STK32C: variants seen among roughly 807,000 people sequenced by gnomAD.
STK32C encodes the protein serine/threonine kinase 32C.
In STK32C, 31 loss-of-function variants were observed where a neutral mutation model predicts 56.5. That is an observed-to-expected ratio of 0.55 (90% CI 0.41 to 0.74). STK32C has a LOEUF of 0.74. Ranked by LOEUF, STK32C falls within the 30% of genes least tolerant of loss-of-function variation. The pLI is 0.00. For missense variants in STK32C, 544 were observed against 676.9 expected (o/e 0.80, Z 2.18); for synonymous variants, 309 against 289.4 (o/e 1.07, Z -0.69).
At chr10:132,279,451 T>C (rs934214147) in intron 1 of STK32C, among the ~76,000 whole-genome samples, 1 of 152,052 alleles carries the variant, frequency 6.6e-6, no homozygotes, top group South Asian at 2.1e-4. Flanking sequence ...GACAAGTACA[T>C]GCATGTGTGT....
intron 1 of STK32C, among the ~76,000 whole-genome samples, chr10:132,269,170 T>C (rs1197902658): frequency 1.3e-5 from 2 of 151,962 alleles, no homozygotes; most frequent in African/African-American, 2.4e-5. Flanking sequence ...CGTGTGTGCA[T>C]GTGTCACATC....
At chr10:132,321,393 A>C (rs992919759), downstream of STK32C, among the ~76,000 whole-genome samples, 5 of 152,158 alleles carry the variant, frequency 3.3e-5, no homozygotes, top group East Asian at 5.8e-4. Context: ...AATTCTGTTG[A>C]GACTAGCCAA....
chr10:132,249,310 CT>C (rs1172689798), intron 1 of STK32C, among the ~76,000 whole-genome samples: 1 of 152,062 alleles, frequency 6.6e-6, no homozygotes, highest in African/African-American at 2.4e-5. Flanking sequence ...ACTGTCCCTG[CT>C]TCCTAAGACT....
upstream of STK32C, among the ~76,000 whole-genome samples, chr10:132,308,849 G>C (rs1021767244): frequency 6.6e-6 from 1 of 152,230 alleles, no homozygotes; most frequent in Non-Finnish European, 1.5e-5. Flanking sequence ...TGCGCGGAAA[G>C]TGCTGGGCGC....
intron 1 of STK32C, among the ~76,000 whole-genome samples, chr10:132,270,625 G>A (rs904618217): frequency 1.3e-5 from 2 of 152,202 alleles, no homozygotes; most frequent in African/African-American, 2.4e-5. Flanking sequence ...CCGGCCTGCC[G>A]GATATGAACC....
chr10:132,275,541 C>T (rs913188601), intron 1 of STK32C, among the ~76,000 whole-genome samples: 1 of 152,222 alleles, frequency 6.6e-6, no homozygotes, highest in African/African-American at 2.4e-5. Context: ...ACCTCCGAGT[C>T]TCAGTGCCCG....
At chr10:132,319,258 C>A (rs562359862), downstream of STK32C, among the ~76,000 whole-genome samples, 13 of 152,196 alleles carry the variant, frequency 8.5e-5, no homozygotes, top group Middle Eastern at 3.4e-3. Context: ...CATGATACAG[C>A]TACACTGGAA....
intron 1 of STK32C, among the ~76,000 whole-genome samples, chr10:132,294,734 G>GC (rs1450274293): frequency 2.6e-5 from 4 of 152,140 alleles, no homozygotes; most frequent in East Asian, 3.9e-4. Context: ...CAGTGCACCA[G>GC]CCCCCGACCC....
At chr10:132,268,512 C>G (rs564177523) in intron 1 of STK32C, among the ~76,000 whole-genome samples, 2 of 129,320 alleles carry the variant, frequency 1.5e-5, no homozygotes, top group East Asian at 4.9e-4. Flanking sequence ...TATGCAGGTG[C>G]AGCTGTGCCT....
Position 132,228,132 on chromosome 10 carries a change from G to A in STK32C, c.319-4C>T. 6.2e-7 allele frequency: 1 copy of A among 1,613,948 alleles called. No individual in the cohort carries two copies. The highest frequency in any genetic ancestry group is 8.5e-7 in the Non-Finnish European group (1 of 1,180,028). ...CCCGCTTCTGCACAATGCACACCTG[G>A]AGGGCACAGGGCTGTTCGGCAGGAC... On this transcript the variant is annotated splice_polypyrimidine_tract_variant and splice_region_variant and intron_variant, in intron 2 of 11. Coordinates refer to ENST00000298630, the MANE Select transcript of STK32C (RefSeq NM_173575.4).
intron 2 of STK32C, among the ~76,000 whole-genome samples, chr10:132,231,288 C>G (rs1208701491): frequency 1.3e-5 from 1 of 78,320 alleles, no homozygotes; most frequent in Admixed American, 1.6e-4. Context: ...ACCTGGGAAA[C>G]AAACTGCCTG....
Position 132,207,923 on chromosome 10 carries a change from T to C in STK32C, c.*87A>G. The C allele has an allele frequency of 8.0e-7, 1 of 1,243,516 alleles. No individual in the cohort carries two copies. Among genetic ancestry groups the C allele is most frequent in the African/African-American group, 1.5e-5 (1 of 64,726 alleles). 77.0% of individuals were successfully genotyped at this position (1,243,516 alleles called of 1,614,324 possible). On this transcript the variant is annotated 3_prime_UTR_variant, in exon 12 of 12. Coordinates refer to ENST00000298630, the MANE Select transcript of STK32C (RefSeq NM_173575.4). Reference sequence around the variant, plus strand: ...CCGCCAGCCAGGCTGGGTGGGAACGTGAATGCCAGGCCTCGGCCCATGGCC... The same window carrying C: ...CCGCCAGCCAGGCTGGGTGGGAACGCGAATGCCAGGCCTCGGCCCATGGCC...
downstream of STK32C, among the ~76,000 whole-genome samples, chr10:132,322,862 TTC>T (rs576397206): frequency 2.1e-3 from 323 of 152,308 alleles, 4 homozygotes; most frequent in Middle Eastern, 0.01. Flanking sequence ...CTCAGCCCCA[TTC>T]TCTCTGGCCC....
intron 1 of STK32C, among the ~76,000 whole-genome samples, chr10:132,293,022 C>A (rs577122332): frequency 2.0e-5 from 3 of 152,204 alleles, no homozygotes; most frequent in Non-Finnish European, 4.4e-5. Flanking sequence ...CCCCACGCAA[C>A]GTGCAGGGCA....
At chr10:132,273,695 A>C (rs56085402) in intron 1 of STK32C, among the ~76,000 whole-genome samples, 7,495 of 152,282 alleles carry the variant, frequency 0.049, 216 homozygotes, top group Middle Eastern at 0.078. Flanking sequence ...ATGAATGAGT[A>C]AATGAACGAG....
At chr10:132,262,858 T>C (rs1275036018) in intron 1 of STK32C, among the ~76,000 whole-genome samples, 1 of 150,622 alleles carries the variant, frequency 6.6e-6, no homozygotes, top group Non-Finnish European at 1.5e-5. Flanking sequence ...ACATCACTAA[T>C]CATCAGAGAA....
chr10:132,237,549 T>C (rs1046517487), intron 2 of STK32C, among the ~76,000 whole-genome samples: 2 of 152,242 alleles, frequency 1.3e-5, no homozygotes, highest in South Asian at 4.1e-4. Context: ...CTAAGCAGAC[T>C]CTGCGCCGAG....
chr10:132,327,610 G>C (rs1179085969), intron 1 of STK32C, among the ~76,000 whole-genome samples: 1 of 151,862 alleles, frequency 6.6e-6, no homozygotes, highest in East Asian at 1.9e-4. Flanking sequence ...CGAGTACCTG[G>C]AACTACAGGT....
intron 1 of STK32C, among the ~76,000 whole-genome samples, chr10:132,304,628 G>C (rs146798759): frequency 2.6e-5 from 4 of 152,242 alleles, no homozygotes; most frequent in African/African-American, 7.2e-5. Flanking sequence ...AGGTGACACC[G>C]TGATCCCAAT....
Sources: allele counts gnomAD v4.1 joint callset (sites outside exome capture counted in the v4.1 genomes callset), GRCh38; gene constraint gnomAD v4.1.1; transcripts MANE v1.5; gene names NCBI Gene and HGNC (gene_info 2026-07-23, HGNC 2026-07-21).